STAP1: variants seen among roughly 807,000 people sequenced by gnomAD.
The protein encoded by STAP1 is signal transducing adaptor family member 1.
Under a neutral mutation model 37.8 loss-of-function variants are expected in STAP1, and 30 were observed. The observed-to-expected ratio is 0.79, with a 90% CI of 0.59 to 1.08. The LOEUF is 1.08. Among genes scored for constraint, STAP1 ranks in the 50% least tolerant of loss-of-function variants. The probability of loss-of-function intolerance (pLI) is 0.00; values close to 1 mark genes in which losing one functional copy is unlikely to be tolerated. For missense variants in STAP1, 357 were observed against 349.4 expected (o/e 1.02, Z -0.17); for synonymous variants, 130 against 116.0 (o/e 1.12, Z -0.78).
intron 1 of STAP1, among the ~76,000 whole-genome samples, chr4:67,568,841 T>C (rs1483666838): frequency 2.0e-5 from 3 of 152,234 alleles, no homozygotes; most frequent in African/African-American, 7.2e-5. Flanking sequence ...TATTATATGC[T>C]TTTCCTATGC....
intron 6 of STAP1, among the ~76,000 whole-genome samples, chr4:67,588,391 T>TTTG (rs978350953): frequency 2.6e-5 from 4 of 151,810 alleles, no homozygotes; most frequent in Non-Finnish European, 5.9e-5. Context: ...ATGTCTTTTT[T>TTTG]TTGTTGTTGT....
At chr4:67,581,103 T>C (rs1406265254) in intron 4 of STAP1, among the ~76,000 whole-genome samples, 1 of 152,204 alleles carries the variant, frequency 6.6e-6, no homozygotes, top group Non-Finnish European at 1.5e-5. Flanking sequence ...GTAGGCACTC[T>C]GTGCAGGTTG....
chr4:67,586,608 G>A (rs947797969), intron 6 of STAP1, among the ~76,000 whole-genome samples: 5 of 152,158 alleles, frequency 3.3e-5, no homozygotes, highest in Non-Finnish European at 5.9e-5. Context: ...CAGATGTGGT[G>A]TGTGACTAAA....
At chr4:67,593,842 T>C (rs1222525218) in intron 8 of STAP1, among the ~76,000 whole-genome samples, 1 of 152,186 alleles carries the variant, frequency 6.6e-6, no homozygotes, top group East Asian at 1.9e-4. Flanking sequence ...GAAGTCAGAT[T>C]GCAAAATAAC....
chr4:67,597,085 G>A (rs1728241408), intron 8 of STAP1, among the ~76,000 whole-genome samples: 1 of 152,224 alleles, frequency 6.6e-6, no homozygotes, highest in Non-Finnish European at 1.5e-5. Context: ...AGGCCTAGGA[G>A]GGAAAAATAG....
chr4:67,600,608 CT>C (rs1377523802), intron 8 of STAP1, among the ~76,000 whole-genome samples: 3 of 152,076 alleles, frequency 2.0e-5, no homozygotes, highest in Non-Finnish European at 4.4e-5. Context: ...TATTATTGTA[CT>C]GGGGTCTATC....
Position 67,562,439 on chromosome 4 carries a change from G to A in STAP1, c.120+3510G>A, listed in dbSNP as rs192880664. Among the ~76,000 whole-genome samples, 13 of 152,154 alleles carry A rather than the reference G, an allele frequency of 8.5e-5. No homozygotes were observed. In the East Asian group the frequency reaches 2.5e-3, roughly 29 times the overall value. On this transcript the variant is annotated intron_variant, in intron 1 of 8. Transcript: ENST00000265404. ...ATTTTAAAATAACACACTCCTTTCA[G>A]GAAAACATTTTGAGCACAGATCCCT... is the stretch of plus-strand genomic sequence containing the variant.
At chr4:67,576,817 A>G (rs1242436569) in intron 3 of STAP1, among the ~76,000 whole-genome samples, 1 of 152,214 alleles carries the variant, frequency 6.6e-6, no homozygotes, top group Non-Finnish European at 1.5e-5. Context: ...ATTAGTAATA[A>G]CATAGTACTA....
chr4:67,582,705 T>C (rs561827881), intron 5 of STAP1, among the ~76,000 whole-genome samples: 3 of 152,248 alleles, frequency 2.0e-5, no homozygotes, highest in East Asian at 1.9e-4. Context: ...AGTTGAACAA[T>C]GGTTAAATGA....
chr4:67,575,576 G>C (rs1578025727), intron 3 of STAP1, 78 bp downstream of exon 3: 4 of 1,075,626 alleles, frequency 3.7e-6, no homozygotes, highest in Middle Eastern at 2.0e-4. Context: ...CTGAAGTAAA[G>C]AGAAATTGTA....
chr4:67,592,560 G>T (rs1021799809), intron 7 of STAP1, among the ~76,000 whole-genome samples: 6 of 152,136 alleles, frequency 3.9e-5, no homozygotes, highest in African/African-American at 1.4e-4. Flanking sequence ...AACCTTCAGG[G>T]ACTAGGACGC....
rs1034190253 is a variant in STAP1, at chr4:67,581,615, A to G, written c.530+144A>G. On this transcript the variant is annotated intron_variant, in intron 5 of 8. Coordinates refer to ENST00000265404, the MANE Select transcript of STAP1 (RefSeq NM_012108.4). ...AACTGTATATCTCTGCGTACATGCCATATTTCCTCTTCTATGTCATGATCA... is the reference window on the plus strand; with the variant it reads ...AACTGTATATCTCTGCGTACATGCCGTATTTCCTCTTCTATGTCATGATCA... 1.5e-5 allele frequency: 13 copies of G among 857,268 alleles called. No individual in the cohort carries two copies. The African/African-American group carries it at 1.7e-4, about 11-fold the overall frequency. 53.1% of individuals were successfully genotyped at this position (857,268 alleles called of 1,614,324 possible). A position where few individuals can be genotyped will look rare whatever the true frequency, so the allele number is the denominator to read the frequency against.
intron 1 of STAP1, among the ~76,000 whole-genome samples, chr4:67,566,589 C>G (rs888172810): frequency 1.3e-5 from 2 of 152,168 alleles, no homozygotes; most frequent in Admixed American, 6.5e-5. Context: ...CTGAGCTGAG[C>G]TTGCTGCCTC....
At chr4:67,574,652 T>C (rs921565383) in intron 2 of STAP1, among the ~76,000 whole-genome samples, 2 of 152,334 alleles carry the variant, frequency 1.3e-5, no homozygotes, top group Non-Finnish European at 1.5e-5. Context: ...ATCTGGATGA[T>C]GGGCCAAATC....
intron 8 of STAP1, among the ~76,000 whole-genome samples, chr4:67,595,919 G>C (rs1728214572): frequency 6.6e-6 from 1 of 152,148 alleles, no homozygotes; most frequent in East Asian, 1.9e-4. Context: ...TGGTACATTT[G>C]GGCTGTCCTT....
At chr4:67,569,160 G>A (rs1396818691) in intron 1 of STAP1, among the ~76,000 whole-genome samples, 1 of 152,180 alleles carries the variant, frequency 6.6e-6, no homozygotes, top group African/African-American at 2.4e-5. Context: ...ATTAAATACT[G>A]TAGGCAATTG....
chr4:67,569,353 T>C (rs1727546873), intron 1 of STAP1, among the ~76,000 whole-genome samples: 1 of 152,186 alleles, frequency 6.6e-6, no homozygotes, highest in Non-Finnish European at 1.5e-5. Context: ...AGGCCTAGAA[T>C]ATCATCAGAT....
intron 2 of STAP1, 152 bp from the exon 3 acceptor site, chr4:67,575,233 C>A: frequency 1.8e-6 from 1 of 541,814 alleles, no homozygotes; most frequent in Non-Finnish European, 3.1e-6. Context: ...CCACATAATA[C>A]ATTTCCACAT....
chr4:67,597,534 T>C (rs146424526), intron 8 of STAP1, among the ~76,000 whole-genome samples: 136 of 152,252 alleles, frequency 8.9e-4, no homozygotes, highest in Non-Finnish European at 1.6e-3. Context: ...GCTTGCACCA[T>C]GTGTCTGGAA....
Sources: allele counts gnomAD v4.1 joint callset (sites outside exome capture counted in the v4.1 genomes callset), GRCh38; gene constraint gnomAD v4.1.1; transcripts MANE v1.5; gene names NCBI Gene and HGNC (gene_info 2026-07-23, HGNC 2026-07-21).